GLDC: variants seen among roughly 807,000 people sequenced by gnomAD.
GLDC encodes glycine decarboxylase.
GLDC carries 104 observed loss-of-function variants against 121.3 expected under a neutral mutation model. The ratio of observed to expected loss-of-function variants is 0.86; its 90% CI spans 0.73 to 1.01. The LOEUF (loss-of-function observed/expected upper bound fraction) is 1.01. GLDC is among the 50% of genes least tolerant of loss of function. The pLI, the probability that GLDC is intolerant of heterozygous loss-of-function variation, is 0.00. For missense variants in GLDC, 1,429 were observed against 1,306.6 expected (o/e 1.09, Z -1.44); for synonymous variants, 546 against 480.6 (o/e 1.14, Z -1.78).
intron 23 of GLDC, among the ~76,000 whole-genome samples, chr9:6,535,733 G>C (rs1817113395): frequency 1.3e-5 from 2 of 152,160 alleles, no homozygotes; most frequent in Admixed American, 1.3e-4. Flanking sequence ...ATATAAGAAT[G>C]TGTGCTTGTA....
At chr9:6,585,464 T>C (rs1188151024) in intron 15 of GLDC, among the ~76,000 whole-genome samples, 2 of 152,172 alleles carry the variant, frequency 1.3e-5, no homozygotes, top group Admixed American at 6.5e-5. Flanking sequence ...TTGACTTTCA[T>C]GCTATCAGCT....
intron 17 of GLDC, among the ~76,000 whole-genome samples, chr9:6,556,671 T>C (rs1385316099): frequency 2.0e-5 from 3 of 151,954 alleles, no homozygotes; most frequent in East Asian, 3.9e-4. Flanking sequence ...CAGGTGCCTG[T>C]AATCCCAGCT....
intron 15 of GLDC, among the ~76,000 whole-genome samples, chr9:6,581,204 G>C (rs184971200): frequency 6.6e-6 from 1 of 152,190 alleles, no homozygotes; most frequent in Non-Finnish European, 1.5e-5. Flanking sequence ...AGGAGCAGTT[G>C]GTAAATACTC....
intron 2 of GLDC, among the ~76,000 whole-genome samples, chr9:6,634,070 T>A (rs983301924): frequency 6.6e-6 from 1 of 151,616 alleles, no homozygotes; most frequent in South Asian, 2.1e-4. Flanking sequence ...GATCTTGTGA[T>A]CCACCCGCCT....
Position 6,633,455 on chromosome 9 carries a change from A to G in GLDC, c.334+11159T>C, listed in dbSNP as rs532545911. Among the ~76,000 whole-genome samples the G allele has an allele frequency of 2.6e-5, 4 of 152,248 alleles. No homozygotes were observed. In the East Asian group the frequency reaches 5.8e-4, roughly 22 times the overall value. Reference sequence around the variant, plus strand: ...CTTTTGCTTCAACTTTTCCAAATGCATGTTCCACGAATACCTCAAACCCAA... The same window carrying G: ...CTTTTGCTTCAACTTTTCCAAATGCGTGTTCCACGAATACCTCAAACCCAA... On this transcript the variant is annotated intron_variant, in intron 2 of 24. Coordinates refer to ENST00000321612, the MANE Select transcript of GLDC (RefSeq NM_000170.3).
At chr9:6,572,519 G>A (rs991276925) in intron 15 of GLDC, among the ~76,000 whole-genome samples, 1 of 151,986 alleles carries the variant, frequency 6.6e-6, no homozygotes, top group Non-Finnish European at 1.5e-5. Context: ...ACTCCCCTAT[G>A]AAAGCAAAAA....
At chr9:6,643,288 T>A (rs965928627) in intron 2 of GLDC, among the ~76,000 whole-genome samples, 4 of 151,558 alleles carry the variant, frequency 2.6e-5, no homozygotes, top group Non-Finnish European at 5.9e-5. Context: ...AACATGCAGG[T>A]TTTCAACGAC....
At chr9:6,555,287 C>T (rs1817600347) in intron 18 of GLDC, among the ~76,000 whole-genome samples, 1 of 152,214 alleles carries the variant, frequency 6.6e-6, no homozygotes, top group African/African-American at 2.4e-5. Context: ...GCAAGGCTCG[C>T]AGTCTTCCCG....
intron 3 of GLDC, among the ~76,000 whole-genome samples, chr9:6,618,275 G>C (rs1252004535): frequency 1.3e-5 from 2 of 152,224 alleles, no homozygotes; most frequent in South Asian, 2.1e-4. Context: ...AAGAGCCTAG[G>C]AGTCCCCACC....
rs941092349 is a variant in GLDC at position 6,608,517 on chromosome 9, G to C, written c.635+1675C>G. On this transcript the variant is annotated intron_variant, in intron 4 of 24. Coordinates refer to ENST00000321612, the MANE Select transcript of GLDC (RefSeq NM_000170.3). ...GCAATTTGGGAGGCCGAGGCGGGCGGATCATGAGGTCAGGAGATCGAGACC... is the reference window on the plus strand; with the variant it reads ...GCAATTTGGGAGGCCGAGGCGGGCGCATCATGAGGTCAGGAGATCGAGACC... 7.3e-5 allele frequency among the ~76,000 whole-genome samples: 11 copies of C among 149,962 alleles called. No homozygotes were observed. The East Asian group carries it at 1.8e-3, about 24-fold the overall frequency.
rs1178260753 is a variant in GLDC, at chr9:6,596,770, G to C, written c.1156-1651C>G. On this transcript the variant is annotated intron_variant, in intron 8 of 24. Transcript: ENST00000321612. ...CATTGGTGAAAATACGGAGAAATTA[G>C]AATATTCATATGCTGCTGGTAGGAA... 3.3e-5 allele frequency among the ~76,000 whole-genome samples: 5 copies of C among 152,186 alleles called. No homozygotes were observed. In the South Asian group the frequency reaches 6.2e-4, roughly 19 times the overall value.
chr9:6,555,493 G>A (rs1425077413), intron 18 of GLDC, among the ~76,000 whole-genome samples: 1 of 152,132 alleles, frequency 6.6e-6, no homozygotes, highest in African/African-American at 2.4e-5. Context: ...AAGAGGTCGG[G>A]CGTGGTGGAT....
chr9:6,607,808 C>A (rs112636326), intron 4 of GLDC, among the ~76,000 whole-genome samples: 2 of 151,486 alleles, frequency 1.3e-5, no homozygotes, highest in East Asian at 4.0e-4. Context: ...TGCCACCATG[C>A]CCAGCCAATT....
intron 3 of GLDC, among the ~76,000 whole-genome samples, chr9:6,611,243 G>C (rs1434236370): frequency 1.3e-5 from 2 of 152,198 alleles, no homozygotes; most frequent in African/African-American, 2.4e-5. Context: ...ATGTGGCTTT[G>C]GATATGTCAG....
At chr9:6,579,067 T>C (rs550090356) in intron 15 of GLDC, among the ~76,000 whole-genome samples, 2 of 152,336 alleles carry the variant, frequency 1.3e-5, no homozygotes, top group Non-Finnish European at 2.9e-5. Context: ...CAGGGTAGCA[T>C]ATACTATTCC....
At chr9:6,593,856 C>A (rs1485170264) in intron 9 of GLDC, among the ~76,000 whole-genome samples, 1 of 151,860 alleles carries the variant, frequency 6.6e-6, no homozygotes, top group African/African-American at 2.4e-5. Flanking sequence ...CCACTCCCAG[C>A]TGATTTTTGT....
intron 4 of GLDC, among the ~76,000 whole-genome samples, chr9:6,607,512 G>A (rs923233717): frequency 6.6e-5 from 10 of 152,052 alleles, no homozygotes; most frequent in African/African-American, 2.4e-4. Context: ...AACCCGGGAG[G>A]CAGAGGTTGC....
intron 8 of GLDC, among the ~76,000 whole-genome samples, chr9:6,599,651 G>A (rs1818560142): frequency 6.6e-6 from 1 of 150,800 alleles, no homozygotes; most frequent in Non-Finnish European, 1.5e-5. Flanking sequence ...AAACTGGAAG[G>A]CAGAGGTTGC....
chr9:6,621,663 G>A (rs1242247851), intron 2 of GLDC, among the ~76,000 whole-genome samples: 11 of 152,024 alleles, frequency 7.2e-5, no homozygotes, highest in Non-Finnish European at 2.9e-5. Context: ...GACTACAGTC[G>A]CACATCACCA....
Sources: gnomAD v4.1 joint callset for allele counts (sites outside exome capture counted in the v4.1 genomes callset) on GRCh38, gnomAD v4.1.1 for gene constraint, MANE v1.5 for transcripts, NCBI Gene and HGNC (gene_info 2026-07-23, HGNC 2026-07-21) for gene names.